The following TNRC6B variants were observed in gnomAD, a reference collection of about 807,000 sequenced individuals.
TNRC6B encodes trinucleotide repeat-containing gene 6B protein.
A neutral mutation model predicts 203.6 loss-of-function variants in TNRC6B; 52 were observed. That is an observed-to-expected ratio of 0.26 (90% CI 0.20 to 0.32). The LOEUF (loss-of-function observed/expected upper bound fraction) is 0.32, where lower values mean the gene tolerates loss of function less well. Ranked by LOEUF, TNRC6B falls within the 10% of genes least tolerant of loss-of-function variation. The pLI, the probability that TNRC6B is intolerant of heterozygous loss-of-function variation, is 1.00. For missense variants in TNRC6B, 1,923 were observed against 2,286.2 expected (o/e 0.84, Z 3.24); for synonymous variants, 838 against 845.7 (o/e 0.99, Z 0.16).
chr22:40,045,854 T>G (rs934633358), intron 1 of TNRC6B, among the ~76,000 whole-genome samples: 1 of 152,232 alleles, frequency 6.6e-6, no homozygotes, highest in African/African-American at 2.4e-5. Flanking sequence ...CTGAATTCTT[T>G]GGAATTCAGG....
chr22:40,171,914 G>A (rs2069003921), intron 4 of TNRC6B, among the ~76,000 whole-genome samples: 1 of 152,088 alleles, frequency 6.6e-6, no homozygotes, highest in African/African-American at 2.4e-5. Context: ...AGGCTGGAGT[G>A]CAGTAGCACC....
Position 40,267,048 on chromosome 22 carries a change from C to T in TNRC6B, c.2806+12C>T, listed in dbSNP as rs1041123734. The T allele has an allele frequency of 1.3e-6, 2 of 1,542,802 alleles. No individual in the cohort carries two copies. The highest frequency in any genetic ancestry group is 1.7e-6 in the Non-Finnish European group (2 of 1,146,524). On this transcript the variant is annotated intron_variant, in intron 5 of 22. Transcript: ENST00000454349. Reference sequence around the variant, plus strand: ...TAAATCGGCATCAGGTAAGCAGTGGCTTTCTCTTGCAGCTTTTGATGAAGA... The same window carrying T: ...TAAATCGGCATCAGGTAAGCAGTGGTTTTCTCTTGCAGCTTTTGATGAAGA...
rs1381678426 is a variant in TNRC6B at position 40,264,960 on chromosome 22, C to A, written c.730C>A (p.Gln244Lys). Reference sequence around the variant, plus strand: ...CACTAGTAACAAAGGAAAAGGGAGCCAGTGCCAGTCTGCAAGTTCTGGGAA... The same window carrying A: ...CACTAGTAACAAAGGAAAAGGGAGCAAGTGCCAGTCTGCAAGTTCTGGGAA... The part of the protein sequence containing the change: ...STTSNKGKGS[Q>K]CQSASSGNEC... The change falls in exon 5 of 23, where the codon CAG (glutamine) becomes AAG (lysine). Residue 244 changes from glutamine to lysine, a missense_variant. By Grantham distance (53) the Gln-to-Lys change is moderately conservative. Transcript: ENST00000454349. 1 of 1,613,938 alleles carries A rather than the reference C, an allele frequency of 6.2e-7. No homozygotes were observed. The highest frequency in any genetic ancestry group is 8.5e-7 in the Non-Finnish European group (1 of 1,179,862).
intron 3 of TNRC6B, among the ~76,000 whole-genome samples, chr22:40,133,017 T>C (rs2068566633): frequency 7.0e-6 from 1 of 143,376 alleles, no homozygotes; most frequent in Non-Finnish European, 1.5e-5. Flanking sequence ...GGCACAGATA[T>C]GTATATGCTT....
Position 40,261,947 on chromosome 22 carries a change from C to T in TNRC6B, c.231C>T (p.Asn77=), listed in dbSNP as rs766891086. The T allele has an allele frequency of 1.4e-5, 22 of 1,612,566 alleles. No individual in the cohort carries two copies. Among genetic ancestry groups the T allele is most frequent in the East Asian group, 4.5e-5 (2 of 44,874 alleles). The stretch of plus-strand genomic sequence containing the variant: ...ATGCCAAAAGGGTGGCAGTGCCGAA[C>T]GGACAACCGCCAAGCGCCGCCCGCT... The part of the protein sequence containing the change: ...GNNAKRVAVP[N]GQPPSAARYM... Residue 77 remains asparagine (N), a synonymous_variant, in exon 4 of 23, where the codon AAC becomes AAT. Transcript: ENST00000454349.
chr22:40,058,605 T>A (rs906091578), intron 1 of TNRC6B, among the ~76,000 whole-genome samples: 2 of 152,224 alleles, frequency 1.3e-5, no homozygotes, highest in African/African-American at 4.8e-5. Flanking sequence ...TTTAACCTCC[T>A]ATTTTTCAGA....
chr22:40,129,091 G>T (rs5995817), intron 3 of TNRC6B, among the ~76,000 whole-genome samples: 2,347 of 152,318 alleles, frequency 0.015, 58 homozygotes, highest in African/African-American at 0.053. Flanking sequence ...AGCCAGCTGT[G>T]TGGAGAGCTG....
At position 40,324,374 on chromosome 22, in the gene TNRC6B, A is replaced by C. The variant is rs2071377517; in HGVS notation, c.*1133A>C. The C allele has an allele frequency of 6.6e-6, 1 of 152,508 alleles. No individual in the cohort carries two copies. The highest frequency in any genetic ancestry group is 6.5e-5 in the Admixed American group (1 of 15,270). 9.4% of individuals were successfully genotyped at this position (152,508 alleles called of 1,614,324 possible). ...ATGCAGGCCTTTTCGTTAGTTTGAA[A>C]TGGGAACGGAAGATAACTTTTGATG... On this transcript the variant is annotated 3_prime_UTR_variant, in exon 23 of 23. Transcript: ENST00000454349.
At chr22:40,152,522 G>T (rs1393342937) in intron 3 of TNRC6B, among the ~76,000 whole-genome samples, 1 of 152,092 alleles carries the variant, frequency 6.6e-6, no homozygotes, top group Non-Finnish European at 1.5e-5. Context: ...TAGAGACGGG[G>T]TTTCACCATG....
Position 40,145,792 on chromosome 22 carries a change from A to G in TNRC6B, c.46-10323A>G, listed in dbSNP as rs1273359693. ...AGGAGGCAGAGGTTGCAGTGAGCCA[A>G]GATCACATCACTATGCTCCAGCCTG... is the stretch of plus-strand genomic sequence containing the variant. On this transcript the variant is annotated intron_variant, in intron 3 of 23. Coordinates refer to the TNRC6B transcript ENST00000301923. 3.3e-5 allele frequency among the ~76,000 whole-genome samples: 5 copies of G among 152,150 alleles called. No individual in the cohort carries two copies. In the East Asian group the frequency reaches 9.6e-4, roughly 29 times the overall value.
chr22:40,289,704 G>A (rs2070842769), intron 12 of TNRC6B, among the ~76,000 whole-genome samples: 1 of 152,138 alleles, frequency 6.6e-6, no homozygotes, highest in South Asian at 2.1e-4. Flanking sequence ...ACCATCTGTA[G>A]TCAGTGCCAG....
At chr22:40,276,343 A>G (rs940607759) in intron 7 of TNRC6B, among the ~76,000 whole-genome samples, 1 of 151,950 alleles carries the variant, frequency 6.6e-6, no homozygotes, top group Non-Finnish European at 1.5e-5. Flanking sequence ...AAAAAAAAAA[A>G]AAAAGATAGC....
intron 1 of TNRC6B, among the ~76,000 whole-genome samples, chr22:40,074,235 CAAAAAAAAA>C (rs944802253): frequency 1.5e-5 from 1 of 68,368 alleles, no homozygotes; most frequent in African/African-American, 4.3e-5. Flanking sequence ...CGCTCTGTCT[CAAAAAAAAA>C]AAAAAAAAGA....
At position 40,323,024 on chromosome 22, in the gene TNRC6B, C is replaced by T. The variant is rs2071357169; in HGVS notation, c.5285C>T (p.Ala1762Val). 1 of 1,603,812 alleles carries T rather than the reference C, an allele frequency of 6.2e-7. No homozygotes were observed. Among genetic ancestry groups the T allele is most frequent in the African/African-American group, 1.3e-5 (1 of 74,782 alleles). ...GQNQSDPVGP[A>V]LNLFGGSTGL... The stretch of plus-strand genomic sequence containing the variant: ...AACCAGTCAGATCCCGTGGGACCTG[C>T]TCTGAATCTTTTTGGTGGGTCCACT... The change falls in exon 23 of 23, where the codon GCT becomes GTT. Residue 1762 changes from alanine to valine, a missense_variant. By Grantham distance (64) the Ala-to-Val change is moderately conservative. Transcript: ENST00000454349.
chr22:40,251,239 T>G (rs2070188246), intron 3 of TNRC6B, 39 bp downstream of exon 3: 1 of 1,485,784 alleles, frequency 6.7e-7, no homozygotes. Context: ...TTTAGAACCT[T>G]TTGTGTTTAG....
Position 40,281,274 on chromosome 22 carries a change from C to T in TNRC6B, c.3567C>T (p.Asn1189=). 6.5e-7 allele frequency: 1 copy of T among 1,546,448 alleles called. No individual in the cohort carries two copies. The highest frequency in any genetic ancestry group is 1.2e-5 in the South Asian group (1 of 83,190). The change falls in exon 11 of 23, where the codon AAC becomes AAT. Residue 1189 remains asparagine, a synonymous_variant. Transcript: ENST00000454349. ...GAIGTGLNPQ[N]FAARQGGSHG... is the part of the protein sequence containing the mutation. ...TCGGCACAGGGCTCAACCCCCAAAA[C>T]TTCGCTGCTAGACAAGTAAGGAGGC...
intron 1 of TNRC6B, among the ~76,000 whole-genome samples, chr22:40,073,009 A>G (rs1016330137): frequency 2.0e-5 from 3 of 152,128 alleles, no homozygotes; most frequent in African/African-American, 7.2e-5. Context: ...GGCACACGTA[A>G]TAAGTATTGC....
intron 1 of TNRC6B, among the ~76,000 whole-genome samples, chr22:40,109,246 G>A (rs1251422769): frequency 3.3e-5 from 5 of 152,060 alleles, no homozygotes; most frequent in South Asian, 2.1e-4. Flanking sequence ...GTGAACATAC[G>A]CGTGTATGTA....
chr22:40,119,640 T>C (rs1018163614), intron 2 of TNRC6B, among the ~76,000 whole-genome samples: 3 of 152,352 alleles, frequency 2.0e-5, no homozygotes, highest in South Asian at 2.1e-4. Flanking sequence ...ACTTGTGTGT[T>C]GTCTCATCAT....
Sources: allele counts gnomAD v4.1 joint callset (sites outside exome capture counted in the v4.1 genomes callset), GRCh38; gene constraint gnomAD v4.1.1; transcripts MANE v1.5; gene names NCBI Gene and HGNC (gene_info 2026-07-23, HGNC 2026-07-21).